The following DOCK1 variants were observed in gnomAD, a reference collection of about 807,000 sequenced individuals.
The protein encoded by DOCK1 is dedicator of cytokinesis protein 1.
A neutral mutation model predicts 262.7 loss-of-function variants in DOCK1; 138 were observed. The observed-to-expected ratio is 0.53, with a 90% CI of 0.46 to 0.61. The LOEUF (loss-of-function observed/expected upper bound fraction) is 0.61, where lower values mean the gene tolerates loss of function less well. DOCK1 is among the 20% of genes least tolerant of loss of function. The pLI, the probability that DOCK1 is intolerant of heterozygous loss-of-function variation, is 0.00. For missense variants in DOCK1, 1,908 were observed against 2,370.7 expected, an observed-to-expected ratio of 0.80 and a Z score of 4.05; for synonymous variants, 866 against 867.4, an observed-to-expected ratio of 1.00 and a Z score of 0.03.
intron 27 of DOCK1, chr10:127,137,601 A>G: frequency 2.4e-6 from 1 of 421,828 alleles, no homozygotes; most frequent in Non-Finnish European, 4.2e-6. Flanking sequence ...GTTTCATTTC[A>G]GATTTTACAT....
chr10:127,304,926 C>T (rs759705835), intron 29 of DOCK1, among the ~76,000 whole-genome samples: 4 of 152,068 alleles, frequency 2.6e-5, no homozygotes, highest in Non-Finnish European at 5.9e-5. Flanking sequence ...CATAAGTGTA[C>T]CTTAGGCTTT....
rs553803915 is a variant in DOCK1 at position 127,310,816 on chromosome 10, C to T, written c.3045-28190C>T. On this transcript the variant is annotated intron_variant, in intron 29 of 51. Transcript: ENST00000623213. ...CACATTACTACAATCTCTTAATGCC[C>T]CAAACTAGGAGACTGATTTATCTCC... 3.9e-5 allele frequency among the ~76,000 whole-genome samples: 6 copies of T among 152,154 alleles called. No homozygotes were observed. The South Asian group carries it at 8.3e-4, about 21-fold the overall frequency.
intron 32 of DOCK1, 119 bp downstream of exon 32, chr10:127,354,846 C>A: frequency 2.5e-6 from 3 of 1,191,004 alleles, no homozygotes; most frequent in Non-Finnish European, 3.6e-6. Flanking sequence ...GTTCCTTGGA[C>A]AGCAGTTGCT....
intron 21 of DOCK1, among the ~76,000 whole-genome samples, chr10:127,045,356 C>T (rs1310384403): frequency 6.6e-6 from 1 of 152,190 alleles, no homozygotes; most frequent in African/African-American, 2.4e-5. Context: ...TGCATGTCTG[C>T]ACCTTGAAAT....
At chr10:126,934,448 C>T (rs1030065607) in intron 1 of DOCK1, among the ~76,000 whole-genome samples, 30,085 of 152,228 alleles carry the variant, frequency 0.2, 3,211 homozygotes, top group African/African-American at 0.27. Context: ...GTGCACCATT[C>T]GACTCACTTT....
intron 23 of DOCK1, among the ~76,000 whole-genome samples, chr10:127,062,453 C>T (rs1015265610): frequency 3.9e-5 from 6 of 152,194 alleles, no homozygotes; most frequent in Non-Finnish European, 8.8e-5. Flanking sequence ...TGTTGACCGT[C>T]TTCACTCTGC....
chr10:127,102,668 C>T (rs565691862), intron 23 of DOCK1, among the ~76,000 whole-genome samples: 10 of 152,226 alleles, frequency 6.6e-5, no homozygotes, highest in Non-Finnish European at 1.5e-4. Context: ...GGCGAAACCT[C>T]GTCTCTACTA....
At position 127,106,215 on chromosome 10, in the gene DOCK1, G is replaced by T. The variant is rs769118655; in HGVS notation, c.2446-16G>T. 3 of 1,575,130 alleles carry T rather than the reference G, an allele frequency of 1.9e-6. No homozygotes were observed. Among genetic ancestry groups the T allele is most frequent in the African/African-American group, 1.3e-5 (1 of 74,568 alleles). ...AACCTGCATGCTGCTCAGCCTTCTT[G>T]TTTCTTGATTTGCAGGGGGCAGCAC... On this transcript the variant is annotated splice_polypyrimidine_tract_variant and intron_variant, in intron 23 of 51. Coordinates refer to ENST00000623213, the MANE Select transcript of DOCK1 (RefSeq NM_001290223.2).
rs1459896444 is a variant in DOCK1, at chr10:127,446,383, T to C, written c.5414-1011T>C. On this transcript the variant is annotated intron_variant, in intron 50 of 51. Coordinates refer to ENST00000623213, the MANE Select transcript of DOCK1 (RefSeq NM_001290223.2). This position sits in a 1 kb window ranked among gnomAD's most constrained non-coding sequence, Gnocchi z 4.4. ...ATGGAAATGTTTCAGAAATACATCA[T>C]GGTGATGGTTATCCCCCACGGTCGA... Among the ~76,000 whole-genome samples the C allele has an allele frequency of 6.6e-6, 1 of 152,164 alleles. No individual in the cohort carries two copies. Among genetic ancestry groups the C allele is most frequent in the Non-Finnish European group, 1.5e-5 (1 of 68,032 alleles).
chr10:127,366,448 C>T (rs1027409227), intron 33 of DOCK1, among the ~76,000 whole-genome samples: 1 of 152,116 alleles, frequency 6.6e-6, no homozygotes, highest in African/African-American at 2.4e-5. Context: ...CTCCCCTGGC[C>T]TCCGTGGCAG....
intron 29 of DOCK1, among the ~76,000 whole-genome samples, chr10:127,292,266 A>C (rs1009654731): frequency 4.6e-5 from 7 of 152,034 alleles, no homozygotes; most frequent in Admixed American, 1.3e-4. Context: ...GCCCATCCAG[A>C]CACTGTGGGT....
chr10:127,319,463 G>A (rs542183800), intron 29 of DOCK1, among the ~76,000 whole-genome samples: 2 of 152,338 alleles, frequency 1.3e-5, no homozygotes, highest in East Asian at 3.9e-4. Flanking sequence ...CTTCCCGCAT[G>A]TGTTTATGGG....
chr10:127,098,966 C>T (rs779261964), intron 23 of DOCK1, among the ~76,000 whole-genome samples: 30 of 152,214 alleles, frequency 2.0e-4, no homozygotes, highest in Non-Finnish European at 4.3e-4. Context: ...TGACAAATAA[C>T]CAATATTAGA....
In DOCK1 at chr10:127,447,397, T is replaced by C; in HGVS notation, c.5417T>C (p.Leu1806Ser). 1.9e-6 allele frequency: 3 copies of C among 1,612,204 alleles called. No individual in the cohort carries two copies. Among genetic ancestry groups the C allele is most frequent in the South Asian group, 1.1e-5 (1 of 90,558 alleles). Residue 1806 changes from leucine to serine, a missense_variant, in exon 51 of 52, where the codon TTG (leucine) becomes TCG (serine). This residue lies in a region of DOCK1 where 383 missense variants were observed against 420.1 expected (regional missense o/e 0.91). Transcript: ENST00000623213. ...TAAATAGATCCCGGTTTTCCAGGCT[T>C]GGAGCTGAACGGCATGACGGGGGCG... is the stretch of plus-strand genomic sequence containing the variant. ...AKLSFSMQSS[L>S]ELNGMTGADV...
Position 127,061,699 on chromosome 10 carries a change from G to T in DOCK1, c.2368G>T (p.Val790Leu), listed in dbSNP as rs565353780. 2 of 1,600,872 alleles carry T rather than the reference G, an allele frequency of 1.2e-6. No individual in the cohort carries two copies. The highest frequency in any genetic ancestry group is 2.3e-5 in the South Asian group (2 of 87,930). The change falls in exon 23 of 52, where the codon GTG (valine) becomes TTG (leucine). Residue 790 changes from valine (V) to leucine (L), a missense_variant. Physicochemically the swap from Val to Leu is conservative, Grantham distance 32. Around this residue, in one of 9 missense-constraint regions of DOCK1, gnomAD observed 518 missense variants for 575.1 expected, o/e 0.90. Coordinates refer to ENST00000623213, the MANE Select transcript of DOCK1 (RefSeq NM_001290223.2). ...TGAAAACAAGGGAGAGGCTGACTTC[G>T]TGGAATCTTTGCTGCAGCTCTTCAG... ...LYENKGEADF[V>L]ESLLQLFRSI...
chr10:127,298,758 G>T (rs887446173), intron 29 of DOCK1, among the ~76,000 whole-genome samples: 2 of 152,228 alleles, frequency 1.3e-5, no homozygotes, highest in African/African-American at 4.8e-5. Context: ...AGGGCCTGCA[G>T]TTAGCAGATC....
At chr10:127,414,565 T>C (rs1384211742) in intron 43 of DOCK1, among the ~76,000 whole-genome samples, 1 of 152,242 alleles carries the variant, frequency 6.6e-6, no homozygotes, top group Non-Finnish European at 1.5e-5. Flanking sequence ...GAACAATAGA[T>C]ACTAAAGCAT....
rs369448608 is a variant in DOCK1 at position 127,037,715 on chromosome 10, C to G, written c.1913-4C>G. On this transcript the variant is annotated splice_polypyrimidine_tract_variant and splice_region_variant and intron_variant, in intron 18 of 51. Coordinates refer to ENST00000623213, the MANE Select transcript of DOCK1 (RefSeq NM_001290223.2). ...AAGATCTGATTGTCATTTTCTGTTT[C>G]CAGTGGACCTTCTGGGGCTCTTGAA... is the stretch of plus-strand genomic sequence containing the variant. The G allele has an allele frequency of 3.1e-4, 483 of 1,580,006 alleles. 3 individuals carry two copies. In the Middle Eastern group the frequency reaches 0.013, roughly 43 times the overall value.
At chr10:127,076,611 G>T in intron 23 of DOCK1, among the ~76,000 whole-genome samples, 1 of 152,182 alleles carries the variant, frequency 6.6e-6, no homozygotes, top group South Asian at 2.1e-4. Context: ...AGTGGTGAGG[G>T]TTCCTGCAGC....
Sources: allele counts gnomAD v4.1 joint callset (sites outside exome capture counted in the v4.1 genomes callset), GRCh38; gene constraint gnomAD v4.1.1; regional missense constraint gnomAD v4.1.1; non-coding constraint Gnocchi (gnomAD v3.1); transcripts MANE v1.5; gene names NCBI Gene and HGNC (gene_info 2026-07-23, HGNC 2026-07-21).